PICALM: variants seen among roughly 807,000 people sequenced by gnomAD.
PICALM encodes phosphatidylinositol binding clathrin assembly protein.
Under a neutral mutation model 80.5 loss-of-function variants are expected in PICALM, and 40 were observed. That is an observed-to-expected ratio of 0.50 (90% CI 0.39 to 0.65). PICALM has a LOEUF of 0.65. Ranked by LOEUF, PICALM falls within the 30% of genes least tolerant of loss-of-function variation. PICALM has a pLI of 0.00. For missense variants in PICALM, 676 were observed against 778.9 expected, an observed-to-expected ratio of 0.87 and a Z score of 1.57; for synonymous variants, 288 against 260.3, an observed-to-expected ratio of 1.11 and a Z score of -1.02.
At chr11:86,018,019 G>A (rs2136409862) in intron 4 of PICALM, among the ~76,000 whole-genome samples, 1 of 152,244 alleles carries the variant, frequency 6.6e-6, no homozygotes, top group East Asian at 1.9e-4. Flanking sequence ...CTACATTTCT[G>A]GAAGTGAAAT....
chr11:85,981,308 T>A, intron 16 of PICALM, 80 bp from the exon 17 acceptor site: 1 of 831,392 alleles, frequency 1.2e-6, no homozygotes, highest in Non-Finnish European at 2.0e-6. Context: ...TAGAACAGAG[T>A]AAGATAGAGA....
intron 8 of PICALM, among the ~76,000 whole-genome samples, chr11:86,004,791 C>G (rs184406656): frequency 6.6e-6 from 1 of 152,132 alleles, no homozygotes; most frequent in Non-Finnish European, 1.5e-5. Flanking sequence ...ATCCACTATT[C>G]CCTCTATATA....
At chr11:85,989,406 G>A (rs2094690875) in intron 13 of PICALM, among the ~76,000 whole-genome samples, 1 of 152,098 alleles carries the variant, frequency 6.6e-6, no homozygotes, top group Non-Finnish European at 1.5e-5. Flanking sequence ...GATTTGTTGA[G>A]GGTATACTGA....
rs1286835655 is a variant in PICALM at position 85,958,887 on chromosome 11, A to C, written c.*159T>G. On this transcript the variant is annotated 3_prime_UTR_variant, in exon 20 of 20. Transcript: ENST00000393346. ...ATACGTTCTCCTATAAACTAGTCCCAATTTCCTTCATGGGCCTTCACTGAG... is the reference window on the plus strand; with the variant it reads ...ATACGTTCTCCTATAAACTAGTCCCCATTTCCTTCATGGGCCTTCACTGAG... 2 of 551,392 alleles carry C rather than the reference A, an allele frequency of 3.6e-6. No individual in the cohort carries two copies. The highest frequency in any genetic ancestry group is 2.8e-5 in the East Asian group (1 of 35,474). The allele number at this position is 551,392 out of a possible 1,614,324, so 34.2% of individuals were successfully genotyped here. A position where few individuals can be genotyped will look rare whatever the true frequency, so the allele number is the denominator to read the frequency against.
chr11:85,996,825 C>T lies in PICALM; in HGVS notation c.1258+1G>A. The T allele has an allele frequency of 6.5e-7, 1 of 1,541,774 alleles. No individual in the cohort carries two copies. The highest frequency in any genetic ancestry group is 9.0e-7 in the Non-Finnish European group (1 of 1,115,042). ...CTAAAATAGAATTCATCAATGCTTA[C>T]CTCCCCATGTACTTGCTACCTGAGA... On this transcript the variant is annotated splice_donor_variant, in intron 12 of 19. Coordinates refer to ENST00000393346, the MANE Select transcript of PICALM (RefSeq NM_007166.4). LOFTEE classifies it high-confidence loss of function.
At chr11:85,967,037 C>G (rs1370771151) in intron 19 of PICALM, among the ~76,000 whole-genome samples, 2 of 152,308 alleles carry the variant, frequency 1.3e-5, no homozygotes, top group South Asian at 2.1e-4. Flanking sequence ...TTTGTTACAG[C>G]AGTCCTAGGA....
intron 2 of PICALM, among the ~76,000 whole-genome samples, chr11:86,028,297 C>G (rs2095685812): frequency 6.6e-6 from 1 of 152,096 alleles, no homozygotes; most frequent in Non-Finnish European, 1.5e-5. Flanking sequence ...ATGGATTATC[C>G]TAAACCTTCA....
chr11:85,979,356 G>A (rs952204616), intron 17 of PICALM, among the ~76,000 whole-genome samples: 2 of 151,954 alleles, frequency 1.3e-5, no homozygotes, highest in Non-Finnish European at 2.9e-5. Context: ...TGGACCTGGT[G>A]GTGGGCACCT....
chr11:86,061,144 T>A (rs879662812), intron 1 of PICALM, among the ~76,000 whole-genome samples: 2 of 151,900 alleles, frequency 1.3e-5, no homozygotes, highest in East Asian at 3.9e-4. Flanking sequence ...GCCTGGCTAA[T>A]ATGGTCAAAC....
At chr11:86,039,110 C>CA (rs11443601) in intron 1 of PICALM, among the ~76,000 whole-genome samples, 133,873 of 144,902 alleles carry the variant, frequency 0.92, 62,285 homozygotes, top group South Asian at 0.98. Flanking sequence ...GACTCTATCT[C>CA]AAAAAAAAAA....
chr11:86,064,497 T>C (rs2096414749), intron 1 of PICALM, among the ~76,000 whole-genome samples: 2 of 150,256 alleles, frequency 1.3e-5, no homozygotes, highest in African/African-American at 4.9e-5. Flanking sequence ...ACCCTGTCTG[T>C]ATAAAAATTA....
At chr11:85,993,770 T>G (rs2094871759) in intron 12 of PICALM, among the ~76,000 whole-genome samples, 1 of 151,854 alleles carries the variant, frequency 6.6e-6, no homozygotes. Context: ...TACACTAGAG[T>G]CATCTAAAAA....
chr11:86,008,952 C>CGAAAAAAAAAAAAAAA (rs2095335161), intron 7 of PICALM, among the ~76,000 whole-genome samples: 1 of 62,846 alleles, frequency 1.6e-5, no homozygotes, highest in Non-Finnish European at 3.1e-5. Flanking sequence ...AAAAAAAAGC[C>CGAAAAAAAAAAAAAAA]AAAAAAAAAA....
At chr11:85,968,477 C>T (rs879744314) in intron 19 of PICALM, among the ~76,000 whole-genome samples, 2 of 152,110 alleles carry the variant, frequency 1.3e-5, no homozygotes, top group Non-Finnish European at 1.5e-5. Flanking sequence ...TTGTCACCCC[C>T]AAAGAGCTTC....
At chr11:85,965,807 G>GTTTTTTTTTTTT (rs142410273) in intron 19 of PICALM, among the ~76,000 whole-genome samples, 2 of 79,256 alleles carry the variant, frequency 2.5e-5, no homozygotes, top group African/African-American at 5.8e-5. Flanking sequence ...TACCCATTTT[G>GTTTTTTTTTTTT]TTTTTTTGTT....
intron 13 of PICALM, among the ~76,000 whole-genome samples, chr11:85,984,916 T>A (rs2094534106): frequency 6.6e-6 from 1 of 152,144 alleles, no homozygotes; most frequent in Admixed American, 6.5e-5. Context: ...GAACTTTCAA[T>A]CATTGAGTAT....
intron 1 of PICALM, among the ~76,000 whole-genome samples, chr11:86,059,912 TTAA>T (rs567057474): frequency 2.0e-5 from 3 of 152,096 alleles, no homozygotes; most frequent in South Asian, 4.1e-4. Context: ...AGAGTTCCAA[TTAA>T]TAACTAATTT....
chr11:86,053,845 G>A (rs1479675984), intron 1 of PICALM, among the ~76,000 whole-genome samples: 3 of 152,182 alleles, frequency 2.0e-5, no homozygotes, highest in Non-Finnish European at 4.4e-5. Flanking sequence ...TGGAATTACA[G>A]GGATGAGCCA....
rs1273276460 is a variant in PICALM at position 85,996,830 on chromosome 11, C to G, written c.1254G>C (p.Trp418Cys). The change falls in exon 12 of 20, where the codon TGG becomes TGC. Residue 418 changes from tryptophan (W) to cysteine (C), a missense_variant. Coordinates refer to ENST00000393346, the MANE Select transcript of PICALM (RefSeq NM_007166.4). ...ATAGAATTCATCAATGCTTACCTCC[C>G]CATGTACTTGCTACCTGAGAAGCAG... Reference protein sequence around the residue: ...MSTASQVASTWGDPFSATVDA... With the variant: ...MSTASQVASTCGDPFSATVDA... 6.4e-7 allele frequency: 1 copy of G among 1,567,586 alleles called. No individual in the cohort carries two copies. The highest frequency in any genetic ancestry group is 1.1e-5 in the South Asian group (1 of 89,936).
Sources: gnomAD v4.1 joint callset for allele counts (sites outside exome capture counted in the v4.1 genomes callset) on GRCh38, gnomAD v4.1.1 for gene constraint, MANE v1.5 for transcripts, NCBI Gene and HGNC (gene_info 2026-07-23, HGNC 2026-07-21) for gene names.